ZFPM2: variants seen among roughly 807,000 people sequenced by gnomAD.
ZFPM2 encodes zinc finger protein ZFPM2.
In ZFPM2, 20 loss-of-function variants were observed where a neutral mutation model predicts 98.6. The ratio of observed to expected loss-of-function variants is 0.20; its 90% confidence interval spans 0.14 to 0.29. ZFPM2 has a LOEUF of 0.29. Ranked by LOEUF, ZFPM2 falls within the 10% of genes least tolerant of loss-of-function variation. ZFPM2 has a pLI of 1.00. For missense variants in ZFPM2, 1,310 were observed against 1,388.6 expected, an observed-to-expected ratio of 0.94 and a Z score of 0.90; for synonymous variants, 518 against 502.7, an observed-to-expected ratio of 1.03 and a Z score of -0.41.
chr8:105,349,720 T>G (rs1178915419), intron 1 of ZFPM2, among the ~76,000 whole-genome samples: 1 of 152,184 alleles, frequency 6.6e-6, no homozygotes, highest in Non-Finnish European at 1.5e-5. Context: ...TGACCCCAAT[T>G]TCTTACAAAA....
At position 105,355,936 on chromosome 8, in the gene ZFPM2, G is replaced by T. The variant is rs144146526; in HGVS notation, c.40+36955G>T. Among the ~76,000 whole-genome samples the T allele has an allele frequency of 4.0e-4, 61 of 152,298 alleles. No individual in the cohort carries two copies. In the East Asian group the frequency reaches 0.011, roughly 27 times the overall value. On this transcript the variant is annotated intron_variant, in intron 1 of 7. Coordinates refer to ENST00000407775, the MANE Select transcript of ZFPM2 (RefSeq NM_012082.4). ...GAACTGGTGAAAATGTATGCTTCTT[G>T]TACTGAAAGTATAATACTGGGAAAA...
Position 105,798,956 on chromosome 8 carries a change from C to T in ZFPM2, c.964+8C>T. On this transcript the variant is annotated splice_region_variant and intron_variant, in intron 7 of 7. Coordinates refer to ENST00000407775, the MANE Select transcript of ZFPM2 (RefSeq NM_012082.4). The stretch of plus-strand genomic sequence containing the variant: ...ACCTGAATTCACACAGTGGTAAATG[C>T]CCCTTTTGTTTCTTCTGTTGCTCCA... The T allele has an allele frequency of 6.2e-7, 1 of 1,608,514 alleles. No individual in the cohort carries two copies.
intron 5 of ZFPM2, among the ~76,000 whole-genome samples, chr8:105,665,255 A>C (rs953378935): frequency 6.6e-6 from 1 of 152,062 alleles, no homozygotes; most frequent in Non-Finnish European, 1.5e-5. Context: ...TGACCCAAAC[A>C]CCTTTCACTA....
At chr8:105,616,664 C>T (rs200646705) in intron 4 of ZFPM2, 3 of 374,602 alleles carry the variant, frequency 8.0e-6, no homozygotes, top group Non-Finnish European at 1.1e-5. Context: ...TATGGTATAA[C>T]AATAATAATA....
chr8:105,549,643 A>C, intron 3 of ZFPM2, among the ~76,000 whole-genome samples: 3 of 139,730 alleles, frequency 2.1e-5, no homozygotes, highest in African/African-American at 2.7e-5. Context: ...ACAGGGGCTC[A>C]CTCTGTTTTC....
chr8:105,467,811 T>G (rs1371329455), intron 3 of ZFPM2, among the ~76,000 whole-genome samples: 1 of 151,978 alleles, frequency 6.6e-6, no homozygotes, highest in Non-Finnish European at 1.5e-5. Flanking sequence ...ATGCTACCCC[T>G]AGTCTCCAGT....
chr8:105,555,770 G>T (rs893406279), intron 3 of ZFPM2, among the ~76,000 whole-genome samples: 2 of 152,166 alleles, frequency 1.3e-5, no homozygotes, highest in Non-Finnish European at 2.9e-5. Flanking sequence ...ATTCAGAGAA[G>T]GTGCATGAAG....
At chr8:105,737,033 A>C (rs7017320) in intron 5 of ZFPM2, among the ~76,000 whole-genome samples, 23,098 of 151,926 alleles carry the variant, frequency 0.15, 1,990 homozygotes, top group Non-Finnish European at 0.2. Context: ...GTGCACGTGC[A>C]CACATGATTT....
chr8:105,648,967 G>T (rs1213525118), intron 5 of ZFPM2, among the ~76,000 whole-genome samples: 7 of 152,112 alleles, frequency 4.6e-5, no homozygotes, highest in African/African-American at 1.2e-4. Context: ...ATTACCTTGG[G>T]TAGTATGGCT....
chr8:105,629,322 T>C (rs75788130), intron 4 of ZFPM2, among the ~76,000 whole-genome samples: 1 of 152,340 alleles, frequency 6.6e-6, no homozygotes, highest in East Asian at 1.9e-4. Context: ...TCCTGCTTCA[T>C]AATGACTTAT....
chr8:105,351,288 A>C (rs1457856449), intron 1 of ZFPM2, among the ~76,000 whole-genome samples: 2 of 152,080 alleles, frequency 1.3e-5, no homozygotes, highest in Non-Finnish European at 2.9e-5. Flanking sequence ...TACAATGTAA[A>C]TACTATGTAA....
intron 5 of ZFPM2, among the ~76,000 whole-genome samples, chr8:105,644,866 T>C (rs183947771): frequency 1.1e-4 from 16 of 152,246 alleles, no homozygotes; most frequent in African/African-American, 3.9e-4. Flanking sequence ...CATGACCTAA[T>C]TGCCTCACAA....
At chr8:105,432,982 A>C (rs1298994739) in intron 2 of ZFPM2, among the ~76,000 whole-genome samples, 1 of 151,968 alleles carries the variant, frequency 6.6e-6, no homozygotes, top group Non-Finnish European at 1.5e-5. Context: ...TGGGCCTGTT[A>C]TTCTAGCTAC....
chr8:105,613,214 G>A (rs1416637643), intron 4 of ZFPM2, among the ~76,000 whole-genome samples: 1 of 152,142 alleles, frequency 6.6e-6, no homozygotes, highest in Non-Finnish European at 1.5e-5. Context: ...TGATGACTGA[G>A]GCTTGTAATG....
At chr8:105,721,420 T>A (rs1190552550) in intron 5 of ZFPM2, among the ~76,000 whole-genome samples, 1 of 151,972 alleles carries the variant, frequency 6.6e-6, no homozygotes, top group Non-Finnish European at 1.5e-5. Context: ...CATGTAGCCT[T>A]CCATATTTAT....
At chr8:105,793,551 A>C (rs1174584735) in intron 6 of ZFPM2, among the ~76,000 whole-genome samples, 15 of 151,974 alleles carry the variant, frequency 9.9e-5, no homozygotes. Context: ...GGTGAATCTG[A>C]TAATTATGTG....
intron 5 of ZFPM2, among the ~76,000 whole-genome samples, chr8:105,740,706 T>C (rs58307372): frequency 0.27 from 41,066 of 151,572 alleles, 5,998 homozygotes; most frequent in East Asian, 0.36. Context: ...ATTCTTACTA[T>C]GTTTTAGGTG....
chr8:105,620,704 TTA>T (rs1816521449), intron 4 of ZFPM2, among the ~76,000 whole-genome samples: 1 of 152,226 alleles, frequency 6.6e-6, no homozygotes, highest in South Asian at 2.1e-4. Context: ...GAATTGATTT[TTA>T]TATAAATTGT....
chr8:105,776,574 T>G (rs932832561), intron 5 of ZFPM2, among the ~76,000 whole-genome samples: 10 of 152,236 alleles, frequency 6.6e-5, no homozygotes, highest in Admixed American at 2.6e-4. Flanking sequence ...AAGAGTTCTC[T>G]TCATTATTCA....
Sources: gnomAD v4.1 joint callset for allele counts (sites outside exome capture counted in the v4.1 genomes callset) on GRCh38, gnomAD v4.1.1 for gene constraint, MANE v1.5 for transcripts, NCBI Gene and HGNC (gene_info 2026-07-23, HGNC 2026-07-21) for gene names.